The following RPL18A variants were observed in gnomAD, a reference collection of about 807,000 sequenced individuals.
The protein encoded by RPL18A is ribosomal protein L18a, also known as large ribosomal subunit protein eL20.
For synonymous variants in RPL18A, 122 were observed against 96.9 expected (o/e 1.26, Z -1.52); for missense variants, 163 against 254.1 (o/e 0.64, Z 2.44).
chr19:17,862,331 G>A, intron 3 of RPL18A, 108 bp downstream of exon 3: 1 of 1,367,088 alleles, frequency 7.3e-7, no homozygotes, highest in Non-Finnish European at 1.0e-6. Context: ...CAGGACTGGT[G>A]GCGGGGCACA....
At position 17,861,689 on chromosome 19, in the gene RPL18A, C is replaced by T. The variant is rs1049416443; in HGVS notation, c.198+217C>T. ...TTTCCCTGATTAGAAAGCCAGGGAC[C>T]CAGGGAGCGGGTGGGTGGCATGGTG... On this transcript the variant is annotated intron_variant, in intron 2 of 4. Transcript: ENST00000222247. 9.0e-5 allele frequency: 52 copies of T among 578,524 alleles called. 1 individual carries two copies. The South Asian group carries it at 1.0e-3, about 11-fold the overall frequency. The allele number at this position is 578,524 out of a possible 1,614,324, so 35.8% of individuals were successfully genotyped here.
intron 2 of RPL18A, 27 bp downstream of exon 2, chr19:17,861,499 G>A (rs1445428936): frequency 3.8e-5 from 59 of 1,540,020 alleles, no homozygotes; most frequent in Non-Finnish European, 5.2e-5. Flanking sequence ...GCTACGTGGG[G>A]TCTGGAGTGG....
intron 1 of RPL18A, 22 bp downstream of exon 1, chr19:17,859,996 A>C: frequency 5.3e-6 from 8 of 1,510,680 alleles, no homozygotes; most frequent in Non-Finnish European, 7.1e-6. Flanking sequence ...GCGGCGCGGC[A>C]GGGGGCCAAG....
At chr19:17,861,774 G>A in intron 2 of RPL18A, 1 of 544,244 alleles carries the variant, frequency 1.8e-6, no homozygotes, top group Non-Finnish European at 3.3e-6. Flanking sequence ...GAGAGGTGAT[G>A]GCTATCTGGT....
chr19:17,861,057 A>T, intron 1 of RPL18A: 1 of 545,056 alleles, frequency 1.8e-6, no homozygotes, highest in East Asian at 3.2e-5. Context: ...GGCAAAGGAG[A>T]GGCAGGCAAC....
chr19:17,863,110 C>A, intron 4 of RPL18A, 61 bp from the exon 5 acceptor site: 1 of 1,547,354 alleles, frequency 6.5e-7, no homozygotes, highest in Non-Finnish European at 8.9e-7. Flanking sequence ...ACCTTGGTGG[C>A]CCCACAGGAT....
rs1458667555 is a variant in RPL18A, at chr19:17,860,404, G to A, written c.18+430G>A. On this transcript the variant is annotated intron_variant, in intron 1 of 4. Coordinates refer to ENST00000222247, the MANE Select transcript of RPL18A (RefSeq NM_000980.4). ...AGTGAGCCGAAACGGGGAGCGTGAG[G>A]CTTAACGCTGTGGTACATACTGGAT... The A allele has an allele frequency of 3.4e-5, 7 of 207,868 alleles. No homozygotes were observed. The South Asian group carries it at 5.0e-4, about 15-fold the overall frequency. 12.9% of individuals were successfully genotyped at this position (207,868 alleles called of 1,614,324 possible).
At position 17,863,164 on chromosome 19, in the gene RPL18A, C is replaced by T. The variant is rs536183199; in HGVS notation, c.439-7C>T. On this transcript the variant is annotated splice_region_variant and splice_polypyrimidine_tract_variant and intron_variant, in intron 4 of 4. Coordinates refer to ENST00000222247, the MANE Select transcript of RPL18A (RefSeq NM_000980.4). ...CAACCCCCTCAACATGCCTCCCTTC[C>T]TCACAGGACTCCAAGATCAAGTTCC... 2.0e-5 allele frequency: 32 copies of T among 1,612,220 alleles called. No homozygotes were observed. In the East Asian group the frequency reaches 5.6e-4, roughly 28 times the overall value.
At chr19:17,860,093 C>G (rs1023994598) in intron 1 of RPL18A, 119 bp downstream of exon 1, 9 of 873,106 alleles carry the variant, frequency 1.0e-5, no homozygotes, top group Admixed American at 7.9e-5. Context: ...CCCCCTTGGC[C>G]GCGCGCCGCC....
rs766248654 is a variant in RPL18A at position 17,862,941 on chromosome 19, C to T, written c.352C>T (p.Arg118Cys). ...AGACCGAGACATGGGTGCCCGGCAC[C>T]GCGCCCGAGCCCACTCCATTCAGAT... ...QCYRDMGARH[R>C]ARAHSIQIMK... is the part of the protein sequence containing the mutation. The change falls in exon 4 of 5, where the codon CGC becomes TGC. Residue 118 changes from arginine (R) to cysteine (C), a missense_variant. Arg to Cys is a radical substitution (Grantham distance 180, BLOSUM62 -3). Transcript: ENST00000222247. 8 of 1,611,444 alleles carry T rather than the reference C, an allele frequency of 5.0e-6. No individual in the cohort carries two copies. Among genetic ancestry groups the T allele is most frequent in the African/African-American group, 1.3e-5 (1 of 74,848 alleles).
At chr19:17,861,249 T>TG (rs1174077964) in intron 1 of RPL18A, 44 bp from the exon 2 acceptor site, 4 of 1,575,916 alleles carry the variant, frequency 2.5e-6, no homozygotes. Flanking sequence ...TCTCCACAGT[T>TG]GCCTCTGGGT....
intron 1 of RPL18A, among the ~76,000 whole-genome samples, chr19:17,860,574 G>A (rs1010777357): frequency 2.0e-5 from 3 of 152,202 alleles, no homozygotes; most frequent in Admixed American, 2.0e-4. Context: ...TGCCGAGGCC[G>A]GTGGGTCAGG....
intron 4 of RPL18A, 65 bp downstream of exon 4, chr19:17,863,092 G>A (rs1332786910): frequency 6.5e-7 from 1 of 1,546,598 alleles, no homozygotes; most frequent in East Asian, 2.3e-5. Flanking sequence ...CCAGTGGGGG[G>A]CGGCTACACC....
At chr19:17,860,216 C>T (rs1362443871) in intron 1 of RPL18A, 3 of 504,922 alleles carry the variant, frequency 5.9e-6, no homozygotes, top group Non-Finnish European at 1.0e-5. Context: ...GGTCTTCTTC[C>T]CGGGGGAAGG....
At position 17,859,992 on chromosome 19, in the gene RPL18A, C is replaced by CGGCAGGG; in HGVS notation, c.18+22_18+28dup. The CGGCAGGG allele has an allele frequency of 6.6e-7, 1 of 1,514,558 alleles. No individual in the cohort carries two copies. The highest frequency in any genetic ancestry group is 8.8e-7 in the Non-Finnish European group (1 of 1,133,622). The allele number at this position is 1,514,558 out of a possible 1,614,324, so 93.8% of individuals were successfully genotyped here. ...CGGGCACGGTAAGGCGGGCGCGGCG[C>CGGCAGGG]GGCAGGGGGCCAAGGGATGGGGCAC... On this transcript the variant is annotated intron_variant, in intron 1 of 4. Transcript: ENST00000222247.
In RPL18A at chr19:17,863,236, C is replaced by T. The variant is rs575459359; in HGVS notation, c.504C>T (p.Thr168=). Residue 168 remains threonine (T), a synonymous_variant, in exon 5 of 5, where the codon ACC becomes ACT. Coordinates refer to ENST00000222247, the MANE Select transcript of RPL18A (RefSeq NM_000980.4). ...GCCGTCAGCACAAGCCACGCTTCAC[C>T]ACCAAGAGGCCCAACACCTTCTTCT... The part of the protein sequence containing the change: ...VLRRQHKPRF[T]TKRPNTFF 9.3e-6 allele frequency: 15 copies of T among 1,606,470 alleles called. No homozygotes were observed. In the African/African-American group the frequency reaches 9.4e-5, roughly 10 times the overall value.
Position 17,860,141 on chromosome 19 carries a change from G to T in RPL18A, c.18+167G>T, listed in dbSNP as rs556648271. On this transcript the variant is annotated intron_variant, in intron 1 of 4. Transcript: ENST00000222247. ...ACCCAACATGGCGGCCATCGTGGGAGCCGCGTGGAGAGAGCGATGCGTGAC... is the reference window on the plus strand; with the variant it reads ...ACCCAACATGGCGGCCATCGTGGGATCCGCGTGGAGAGAGCGATGCGTGAC... 139 of 590,890 alleles carry T rather than the reference G, an allele frequency of 2.4e-4. 1 individual carries two copies. The South Asian group carries it at 2.9e-3, about 12-fold the overall frequency. The allele number at this position is 590,890 out of a possible 1,614,324, so 36.6% of individuals were successfully genotyped here.
intron 2 of RPL18A, chr19:17,861,844 C>T (rs1026929046): frequency 5.7e-5 from 32 of 562,664 alleles, no homozygotes; most frequent in Non-Finnish European, 8.2e-5. Flanking sequence ...TCAGGAACTG[C>T]ATCTGGGGCT....
intron 2 of RPL18A, 161 bp downstream of exon 2, chr19:17,861,633 G>A: frequency 1.6e-6 from 1 of 636,466 alleles, no homozygotes; most frequent in Non-Finnish European, 2.7e-6. Flanking sequence ...TTCTGCCTGG[G>A]TCACGGGACT....
Sources: gnomAD v4.1 joint callset for allele counts (sites outside exome capture counted in the v4.1 genomes callset) on GRCh38, gnomAD v4.1.1 for gene constraint, MANE v1.5 for transcripts, NCBI Gene and HGNC (gene_info 2026-07-23, HGNC 2026-07-21) for gene names.